The following THSD7B variants were observed in gnomAD, a reference collection of about 807,000 sequenced individuals.
The protein encoded by THSD7B is thrombospondin type-1 domain-containing protein 7B.
Under a neutral mutation model 213.6 loss-of-function variants are expected in THSD7B, and 138 were observed. The ratio of observed to expected loss-of-function variants is 0.65; its 90% CI spans 0.56 to 0.74. The LOEUF (loss-of-function observed/expected upper bound fraction) is 0.74. Among genes scored for constraint, THSD7B ranks in the 30% least tolerant of loss-of-function variants. The pLI is 0.00. For missense variants in THSD7B, 1,931 were observed against 1,991.5 expected, an observed-to-expected ratio of 0.97 and a Z score of 0.58; for synonymous variants, 742 against 687.0, an observed-to-expected ratio of 1.08 and a Z score of -1.25.
intron 12 of THSD7B, 133 bp from the exon 13 acceptor site, chr2:137,405,480 A>G: frequency 1.5e-6 from 1 of 651,492 alleles, no homozygotes; most frequent in Non-Finnish European, 2.4e-6. Flanking sequence ...AAGGTTAGCT[A>G]TGTTGAACAC....
chr2:136,881,007 G>T (rs181702499), intron 1 of THSD7B, among the ~76,000 whole-genome samples: 1 of 152,118 alleles, frequency 6.6e-6, no homozygotes, highest in Non-Finnish European at 1.5e-5. Context: ...CCTCTTGTTT[G>T]TGTCCTTCAC....
intron 15 of THSD7B, among the ~76,000 whole-genome samples, chr2:137,552,348 T>C (rs1202828974): frequency 6.6e-6 from 1 of 152,214 alleles, no homozygotes; most frequent in Non-Finnish European, 1.5e-5. Flanking sequence ...AGGATAGTGA[T>C]GTGCCTGAAC....
chr2:136,805,072 G>C (rs1441929232), intron 1 of THSD7B, among the ~76,000 whole-genome samples: 1 of 152,122 alleles, frequency 6.6e-6, no homozygotes, highest in Non-Finnish European at 1.5e-5. Context: ...GGGCATAGCT[G>C]CTCTTTCTTT....
chr2:137,366,005 T>G (rs1355305172), intron 12 of THSD7B, among the ~76,000 whole-genome samples: 1 of 152,128 alleles, frequency 6.6e-6, no homozygotes. Context: ...TGTCCATCAG[T>G]GGTAGACTGG....
chr2:136,898,460 C>T (rs866797948), intron 2 of THSD7B, among the ~76,000 whole-genome samples: 2 of 152,040 alleles, frequency 1.3e-5, no homozygotes, highest in African/African-American at 4.8e-5. Context: ...GCATGAGCCA[C>T]AGCGCCCAGC....
chr2:137,080,186 G>GTGTA (rs1553469345), intron 3 of THSD7B, among the ~76,000 whole-genome samples: 8 of 150,194 alleles, frequency 5.3e-5, no homozygotes, highest in Admixed American at 2.0e-4. Context: ...GTGTGTGTGT[G>GTGTA]TATATATATA....
intron 12 of THSD7B, among the ~76,000 whole-genome samples, chr2:137,328,873 C>G (rs1179284201): frequency 6.6e-6 from 1 of 152,024 alleles, no homozygotes; most frequent in Non-Finnish European, 1.5e-5. Context: ...GAAGAGGTGC[C>G]TTCTTCTATG....
chr2:136,917,398 A>G (rs1196698920), intron 2 of THSD7B, among the ~76,000 whole-genome samples: 2 of 152,174 alleles, frequency 1.3e-5, no homozygotes, highest in Admixed American at 1.3e-4. Flanking sequence ...TGATCGTTGC[A>G]TGGTTTAGTC....
At chr2:137,319,909 GCTTGCCCTCCTCTTGCT>G (rs1229011855) in intron 12 of THSD7B, among the ~76,000 whole-genome samples, 6 of 152,258 alleles carry the variant, frequency 3.9e-5, no homozygotes, top group South Asian at 2.1e-4. Context: ...TGCTGATTTG[GCTTGCCCTCCTCTTGCT>G]CTTGCCTGGC....
In THSD7B at chr2:137,463,651, A is replaced by AGAT. The variant is rs909033407; in HGVS notation, c.3138+12630_3138+12632dup. ...AGTAAAAGTCTCCAGTGTGGACAAA[A>AGAT]GATGTTCTCTCTTTGAAGAGGAGAA... On this transcript the variant is annotated intron_variant, in intron 15 of 27. Coordinates refer to ENST00000409968, the MANE Select transcript of THSD7B (RefSeq NM_001316349.2). Among the ~76,000 whole-genome samples the AGAT allele has an allele frequency of 6.4e-4, 98 of 152,166 alleles. 1 individual carries two copies. The highest frequency in any genetic ancestry group is 2.3e-3 in the African/African-American group (95 of 41,536).
chr2:137,554,591 A>T (rs7604019), intron 15 of THSD7B, among the ~76,000 whole-genome samples: 54,492 of 151,994 alleles, frequency 0.36, 10,136 homozygotes, highest in South Asian at 0.56. Context: ...GCCGAATAGG[A>T]TCAGCTCCAG....
chr2:137,056,800 A>G lies in THSD7B; in HGVS notation c.520A>G (p.Ile174Val), dbSNP rs1450552190. 1 of 1,613,962 alleles carries G rather than the reference A, an allele frequency of 6.2e-7. No individual in the cohort carries two copies. Among genetic ancestry groups the G allele is most frequent in the East Asian group, 2.2e-5 (1 of 44,858 alleles). The change falls in exon 3 of 28, where the codon ATT becomes GTT. Residue 174 changes from isoleucine (I) to valine (V), a missense_variant. Transcript: ENST00000409968. ...GCCTCCTACAGAACAGGCTTGCCTC[A>G]TTCCTTGTCCCCGGGATTGTGTAGT... ...LQPPTEQACL[I>V]PCPRDCVVSE...
chr2:137,145,219 G>A (rs1037555456), intron 5 of THSD7B, among the ~76,000 whole-genome samples: 2 of 152,038 alleles, frequency 1.3e-5, no homozygotes, highest in Non-Finnish European at 2.9e-5. Flanking sequence ...CATAACTATA[G>A]ATGAAAGGAG....
chr2:137,362,521 A>G (rs1198993384), intron 12 of THSD7B, among the ~76,000 whole-genome samples: 1 of 152,176 alleles, frequency 6.6e-6, no homozygotes, highest in Non-Finnish European at 1.5e-5. Context: ...TAGGCTCAAA[A>G]TAAGGGGATG....
chr2:137,069,699 AAGG>A (rs1197339934), intron 3 of THSD7B, among the ~76,000 whole-genome samples: 2 of 151,968 alleles, frequency 1.3e-5, no homozygotes, highest in Non-Finnish European at 2.9e-5. Context: ...TCTGCTGTTA[AAGG>A]AGATTTAAAT....
intron 2 of THSD7B, among the ~76,000 whole-genome samples, chr2:136,979,105 G>A (rs909091465): frequency 2.6e-5 from 4 of 152,134 alleles, no homozygotes; most frequent in African/African-American, 7.2e-5. Context: ...CTTTAAGAAT[G>A]TTGAATATTG....
chr2:137,249,003 C>T (rs1189377241), intron 10 of THSD7B, among the ~76,000 whole-genome samples: 1 of 152,064 alleles, frequency 6.6e-6, no homozygotes, highest in Non-Finnish European at 1.5e-5. Context: ...AACTTGCTTC[C>T]TTTAGTCTGT....
At chr2:137,177,870 A>G (rs892622453) in intron 7 of THSD7B, among the ~76,000 whole-genome samples, 3 of 152,116 alleles carry the variant, frequency 2.0e-5, no homozygotes, top group Admixed American at 6.5e-5. Flanking sequence ...CAGGAGATTG[A>G]GACCATCCTG....
chr2:137,317,750 A>C (rs938380985), intron 12 of THSD7B, among the ~76,000 whole-genome samples: 1 of 152,284 alleles, frequency 6.6e-6, no homozygotes, highest in Non-Finnish European at 1.5e-5. Context: ...CCTTGTCTCT[A>C]TAAAAAATTA....
Sources: allele counts gnomAD v4.1 joint callset (sites outside exome capture counted in the v4.1 genomes callset), GRCh38; gene constraint gnomAD v4.1.1; transcripts MANE v1.5; gene names NCBI Gene and HGNC (gene_info 2026-07-23, HGNC 2026-07-21).